Variants in RTCA observed in about 807,000 individuals in gnomAD.
The protein encoded by RTCA is RNA 3'-terminal phosphate cyclase.
Under a neutral mutation model 46.1 loss-of-function variants are expected in RTCA, and 37 were observed. The ratio of observed to expected loss-of-function variants is 0.80; its 90% CI spans 0.62 to 1.06. The LOEUF (loss-of-function observed/expected upper bound fraction) is 1.06, where lower values mean the gene tolerates loss of function less well. Ranked by LOEUF, RTCA falls within the 50% of genes least tolerant of loss-of-function variation. RTCA has a pLI of 0.00. For missense variants in RTCA, 435 were observed against 455.5 expected, an observed-to-expected ratio of 0.95 and a Z score of 0.41; for synonymous variants, 164 against 158.3, an observed-to-expected ratio of 1.04 and a Z score of -0.27.
chr1:100,268,283 C>A lies in RTCA; in HGVS notation c.278C>A (p.Thr93Asn). The change falls in exon 3 of 11, where the codon ACC (threonine) becomes AAC (asparagine). Residue 93 changes from threonine (T) to asparagine (N), a missense_variant. By Grantham distance (65) the Thr-to-Asn change is moderately conservative. Coordinates refer to ENST00000370128, the MANE Select transcript of RTCA (RefSeq NM_003729.4). ...AAAGGTGGAATCCACACAGCAGATA[C>A]CAAGACAGCAGGGTATGTATCACTT... ...KIKGGIHTAD[T>N]KTAGSVCLLM... The A allele has an allele frequency of 6.2e-7, 1 of 1,612,188 alleles. No individual in the cohort carries two copies. The highest frequency in any genetic ancestry group is 8.5e-7 in the Non-Finnish European group (1 of 1,178,938).
chr1:100,269,874 C>T (rs967371761), intron 3 of RTCA, among the ~76,000 whole-genome samples: 3 of 152,080 alleles, frequency 2.0e-5, no homozygotes, highest in African/African-American at 7.2e-5. Flanking sequence ...GTGTGATGTT[C>T]CCCTCCCTGT....
At position 100,279,614 on chromosome 1, in the gene RTCA, A is replaced by AT. The variant is rs60866682; in HGVS notation, c.799+2311dup. ...ACATGGCAAGATTCCATCTCTTAAA[A>AT]TTTTTTTTTTTTTAAGTAGCCCCAT... On this transcript the variant is annotated intron_variant, in intron 8 of 10. Transcript: ENST00000370128. 0.031 allele frequency among the ~76,000 whole-genome samples: 4,534 copies of AT among 147,566 alleles called. 373 individuals are homozygous for AT. In the East Asian group the frequency reaches 0.32, roughly 10 times the overall value.
At position 100,267,540 on chromosome 1, in the gene RTCA, T is replaced by C. The variant is rs746058029; in HGVS notation, c.147-612T>C. 5.2e-6 allele frequency: 8 copies of C among 1,546,120 alleles called. No individual in the cohort carries two copies. In the South Asian group the frequency reaches 8.4e-5, roughly 16 times the overall value. ...GTCCAAGATCAAGGTCCTGACAAGGTTGGTTTCCTCTGAGAGCCATGAGAA... is the reference window on the plus strand; with the variant it reads ...GTCCAAGATCAAGGTCCTGACAAGGCTGGTTTCCTCTGAGAGCCATGAGAA... On this transcript the variant is annotated intron_variant, in intron 2 of 10. Transcript: ENST00000370128.
intron 7 of RTCA, among the ~76,000 whole-genome samples, chr1:100,276,589 A>G (rs1237996285): frequency 1.3e-5 from 2 of 152,178 alleles, no homozygotes; most frequent in Non-Finnish European, 2.9e-5. Flanking sequence ...AGGCAGGAGA[A>G]TCACTTGAAC....
intron 8 of RTCA, chr1:100,281,215 T>C (rs775490802): frequency 9.4e-6 from 5 of 532,116 alleles, no homozygotes; most frequent in Non-Finnish European, 1.9e-5. Context: ...CTGGAGAATC[T>C]CCAAAATCCT....
At chr1:100,277,056 T>G (rs952664739) in intron 7 of RTCA, among the ~76,000 whole-genome samples, 3 of 152,218 alleles carry the variant, frequency 2.0e-5, no homozygotes, top group Non-Finnish European at 4.4e-5. Context: ...TGACTTCTCC[T>G]GGTCAAGTGG....
chr1:100,269,832 C>T (rs1378762893), intron 3 of RTCA, among the ~76,000 whole-genome samples: 1 of 152,080 alleles, frequency 6.6e-6, no homozygotes, highest in African/African-American at 2.4e-5. Flanking sequence ...GCTCTCCCTC[C>T]CCTTGCCACC....
At chr1:100,277,758 T>C (rs1190250964) in intron 8 of RTCA, among the ~76,000 whole-genome samples, 1 of 152,146 alleles carries the variant, frequency 6.6e-6, no homozygotes, top group African/African-American at 2.4e-5. Context: ...ACATAATGAA[T>C]TGTTTCCAAA....
intron 8 of RTCA, among the ~76,000 whole-genome samples, chr1:100,278,888 C>G (rs2100802740): frequency 6.6e-6 from 1 of 152,328 alleles, no homozygotes; most frequent in East Asian, 1.9e-4. Flanking sequence ...ATTTTGGGAC[C>G]TACCTCAGAC....
At chr1:100,284,336 T>A (rs1312689228) in intron 8 of RTCA, among the ~76,000 whole-genome samples, 1 of 151,980 alleles carries the variant, frequency 6.6e-6, no homozygotes, top group Non-Finnish European at 1.5e-5. Flanking sequence ...TTTTATCTGA[T>A]AATGTTATAT....
In RTCA at chr1:100,291,531, A is replaced by G; in HGVS notation, c.*27A>G. ...GTATTTGCCTCTTAAATGATACCTC[A>G]TTGATATATTGCACTATTTCATAAA... On this transcript the variant is annotated 3_prime_UTR_variant, in exon 11 of 11. Coordinates refer to ENST00000370128, the MANE Select transcript of RTCA (RefSeq NM_003729.4). 1 of 1,248,174 alleles carries G rather than the reference A, an allele frequency of 8.0e-7. No individual in the cohort carries two copies. Among genetic ancestry groups the G allele is most frequent in the Non-Finnish European group, 1.2e-6 (1 of 860,550 alleles). 77.3% of individuals were successfully genotyped at this position (1,248,174 alleles called of 1,614,324 possible).
At position 100,266,531 on chromosome 1, in the gene RTCA, A is replaced by G. The variant is rs764507522; in HGVS notation, c.53A>G (p.Gln18Arg). ...GTACCCCAACCTTTGCAGGGCGGCCAGATCCTGAGAGTCTCTACGGCCTTG... is the reference window on the plus strand; with the variant it reads ...GTACCCCAACCTTTGCAGGGCGGCCGGATCCTGAGAGTCTCTACGGCCTTG... ...VDGSIMEGGG[Q>R]ILRVSTALSC... Residue 18 changes from glutamine (Q) to arginine (R), a missense_variant, in exon 2 of 11, where the codon CAG becomes CGG. Transcript: ENST00000370128. The G allele has an allele frequency of 3.7e-6, 6 of 1,613,028 alleles. No individual in the cohort carries two copies. In the South Asian group the frequency reaches 6.6e-5, roughly 18 times the overall value.
intron 3 of RTCA, among the ~76,000 whole-genome samples, chr1:100,270,155 C>T (rs1001128756): frequency 1.3e-5 from 2 of 152,104 alleles, no homozygotes; most frequent in African/African-American, 4.8e-5. Flanking sequence ...ATTTTGAAAG[C>T]ATTTTCATAA....
intron 5 of RTCA, among the ~76,000 whole-genome samples, chr1:100,273,686 A>G (rs1436044239): frequency 6.6e-6 from 1 of 152,214 alleles, no homozygotes; most frequent in African/African-American, 2.4e-5. Flanking sequence ...GGGAATTTTC[A>G]CAGTGAGGTA....
intron 5 of RTCA, 138 bp downstream of exon 5, chr1:100,273,590 G>T (rs764656271): frequency 4.0e-6 from 2 of 498,894 alleles, no homozygotes; most frequent in Non-Finnish European, 6.9e-6. Flanking sequence ...GTACTTTGTG[G>T]CTTAAAAATA....
intron 8 of RTCA, 147 bp downstream of exon 8, chr1:100,277,463 C>CTGAAA (rs1429576693): frequency 1.3e-6 from 1 of 754,144 alleles, no homozygotes; most frequent in Non-Finnish European, 2.1e-6. Context: ...CACTTTCAGA[C>CTGAAA]TTTCAGTCTT....
intron 2 of RTCA, 85 bp from the exon 3 acceptor site, chr1:100,268,067 A>G (rs780749131): frequency 1.2e-5 from 18 of 1,556,740 alleles, no homozygotes; most frequent in Non-Finnish European, 1.6e-5. Context: ...TTTTCTTGCC[A>G]TTGCAGTTTT....
intron 7 of RTCA, among the ~76,000 whole-genome samples, chr1:100,276,155 C>T (rs1181449083): frequency 1.3e-5 from 2 of 152,168 alleles, no homozygotes; most frequent in East Asian, 3.9e-4. Context: ...TTTTTAAGGA[C>T]ATTCCTACCT....
At chr1:100,282,956 G>A (rs60267514) in intron 8 of RTCA, among the ~76,000 whole-genome samples, 2,722 of 151,974 alleles carry the variant, frequency 0.018, 86 homozygotes, top group African/African-American at 0.063. Flanking sequence ...ATTAGTGTGC[G>A]CCACCATGCC....
Sources: allele counts gnomAD v4.1 joint callset (sites outside exome capture counted in the v4.1 genomes callset), GRCh38; gene constraint gnomAD v4.1.1; transcripts MANE v1.5; gene names NCBI Gene and HGNC (gene_info 2026-07-23, HGNC 2026-07-21).